The following GALNT13 variants were observed in gnomAD, a reference collection of about 807,000 sequenced individuals.
GALNT13 encodes UDP-GalNAc:polypeptide N-acetylgalactosaminyltransferase 13.
A neutral mutation model predicts 64.2 loss-of-function variants in GALNT13; 28 were observed. The observed-to-expected ratio is 0.44, with a 90% CI of 0.32 to 0.60. The LOEUF (loss-of-function observed/expected upper bound fraction) is 0.60, where lower values mean the gene tolerates loss of function less well. Ranked by LOEUF, GALNT13 falls within the 20% of genes least tolerant of loss-of-function variation. The pLI is 0.05. For missense variants in GALNT13, 577 were observed against 669.8 expected (o/e 0.86, Z 1.53); for synonymous variants, 214 against 224.6 (o/e 0.95, Z 0.42).
chr2:153,229,514 A>T, the GALNT13 span, among the ~76,000 whole-genome samples: 1 of 152,226 alleles, frequency 6.6e-6, no homozygotes, highest in Non-Finnish European at 1.5e-5. Flanking sequence ...CATTTTTCAG[A>T]GGAAACCAAT....
At position 154,298,637 on chromosome 2, in the gene GALNT13, T is replaced by G. The variant is rs865785097; in HGVS notation, c.976-2772T>G. 2.5e-3 allele frequency among the ~76,000 whole-genome samples: 131 copies of G among 53,410 alleles called. 14 individuals are homozygous for G. Among genetic ancestry groups the G allele is most frequent in the African/African-American group, 0.01 (125 of 12,302 alleles). The allele number at this position is 53,410 out of a possible 152,430, so 35.0% of individuals were successfully genotyped here. On this transcript the variant is annotated intron_variant, in intron 8 of 12. Transcript: ENST00000392825. ...TTTATATATACATTGTATATATAAT[T>G]TATATATACATTGTATATACAATTT...
At chr2:154,380,797 G>C (rs540970474) in intron 9 of GALNT13, among the ~76,000 whole-genome samples, 1 of 152,142 alleles carries the variant, frequency 6.6e-6, no homozygotes, top group South Asian at 2.1e-4. Flanking sequence ...TTAATGTGTT[G>C]ATGGGGGCTG....
chr2:154,006,989 A>G (rs1292715626), intron 3 of GALNT13, among the ~76,000 whole-genome samples: 1 of 152,208 alleles, frequency 6.6e-6, no homozygotes, highest in East Asian at 1.9e-4. Flanking sequence ...TTTTGTGACC[A>G]AGATGAAGAG....
the GALNT13 span, among the ~76,000 whole-genome samples, chr2:153,351,082 C>G: frequency 2.6e-5 from 4 of 152,058 alleles, no homozygotes; most frequent in African/African-American, 9.7e-5. Context: ...TAAGTAAGCT[C>G]TATCTAATGG....
At chr2:154,131,535 C>T (rs1408071490) in intron 3 of GALNT13, among the ~76,000 whole-genome samples, 2 of 152,144 alleles carry the variant, frequency 1.3e-5, no homozygotes, top group African/African-American at 4.8e-5. Context: ...CTTCATGGAA[C>T]TCTGATCCTT....
the GALNT13 span, among the ~76,000 whole-genome samples, chr2:153,695,845 T>C: frequency 5.3e-5 from 8 of 152,302 alleles, no homozygotes; most frequent in Non-Finnish European, 1.2e-4. Flanking sequence ...AGAAACACAT[T>C]GCTCTAGATA....
the GALNT13 span, among the ~76,000 whole-genome samples, chr2:153,625,741 T>C: frequency 6.6e-6 from 1 of 152,136 alleles, no homozygotes; most frequent in African/African-American, 2.4e-5. Flanking sequence ...TCTTTTTTTT[T>C]TCCTGTTCTC....
the GALNT13 span, among the ~76,000 whole-genome samples, chr2:153,554,325 C>G: frequency 1.3e-5 from 2 of 151,434 alleles, no homozygotes; most frequent in African/African-American, 2.4e-5. Flanking sequence ...CAGAGTGAGA[C>G]TCTGTGTCAA....
chr2:153,145,357 A>G, the GALNT13 span, among the ~76,000 whole-genome samples: 1 of 151,974 alleles, frequency 6.6e-6, no homozygotes. Flanking sequence ...TAAAAATTGT[A>G]TTAATTCTGA....
chr2:153,435,524 C>G, the GALNT13 span, among the ~76,000 whole-genome samples: 74 of 151,650 alleles, frequency 4.9e-4, 1 homozygote, highest in African/African-American at 1.7e-3. Flanking sequence ...GTTTGTAGTT[C>G]TCCTTGAAGA....
chr2:153,414,341 C>G, the GALNT13 span, among the ~76,000 whole-genome samples: 1 of 151,180 alleles, frequency 6.6e-6, no homozygotes, highest in African/African-American at 2.4e-5. Context: ...TGCCATTGCA[C>G]TCCAGCCTGG....
chr2:153,869,547 T>C (rs548075829), upstream of GALNT13, among the ~76,000 whole-genome samples: 1 of 152,192 alleles, frequency 6.6e-6, no homozygotes, highest in South Asian at 2.1e-4. Context: ...ATGCATTTTT[T>C]AATCTGGAAT....
At chr2:153,175,686 A>T in the GALNT13 span, among the ~76,000 whole-genome samples, 1 of 152,238 alleles carries the variant, frequency 6.6e-6, no homozygotes, top group Non-Finnish European at 1.5e-5. Context: ...AGGTAGTAGC[A>T]GAACAATGCT....
chr2:153,433,590 A>T, the GALNT13 span, among the ~76,000 whole-genome samples: 1 of 152,128 alleles, frequency 6.6e-6, no homozygotes, highest in Non-Finnish European at 1.5e-5. Context: ...ACATTTTTTT[A>T]ATTACAGAGT....
chr2:153,915,112 G>T lies in GALNT13; in HGVS notation c.-105+14105G>T, dbSNP rs145766095. On this transcript the variant is annotated intron_variant, in intron 2 of 12. Coordinates refer to ENST00000392825, the MANE Select transcript of GALNT13 (RefSeq NM_052917.4). ...GTTAGCAGACCTCTGTTTTATGTTA[G>T]CTTAAGATTCTGGGCACAAGAAAGT... is the stretch of plus-strand genomic sequence containing the variant. 4.1e-3 allele frequency among the ~76,000 whole-genome samples: 617 copies of T among 152,216 alleles called. 3 individuals carry two copies. Among genetic ancestry groups the T allele is most frequent in the African/African-American group, 0.014 (590 of 41,544 alleles).
chr2:153,621,002 C>T, the GALNT13 span, among the ~76,000 whole-genome samples: 106 of 152,184 alleles, frequency 7.0e-4, no homozygotes, highest in African/African-American at 2.5e-3. Context: ...GTGTTTCTTG[C>T]AGACTTGTAG....
At chr2:154,021,971 T>C (rs969800187) in intron 3 of GALNT13, among the ~76,000 whole-genome samples, 6 of 152,224 alleles carry the variant, frequency 3.9e-5, no homozygotes, top group African/African-American at 1.4e-4. Context: ...ATGTGGTTTT[T>C]GTTCTTTGGT....
At chr2:153,875,041 T>C (rs1466908844) in intron 1 of GALNT13, among the ~76,000 whole-genome samples, 1 of 152,114 alleles carries the variant, frequency 6.6e-6, no homozygotes, top group African/African-American at 2.4e-5. Flanking sequence ...CTTAAAATAC[T>C]TGGGGGCTAT....
chr2:153,222,939 G>A, the GALNT13 span, among the ~76,000 whole-genome samples: 1 of 152,268 alleles, frequency 6.6e-6, no homozygotes, highest in African/African-American at 2.4e-5. Context: ...AGCTGCGCGC[G>A]GAAGTGAGAG....
Sources: gnomAD v4.1 joint callset for allele counts (sites outside exome capture counted in the v4.1 genomes callset) on GRCh38, gnomAD v4.1.1 for gene constraint, MANE v1.5 for transcripts, NCBI Gene and HGNC (gene_info 2026-07-23, HGNC 2026-07-21) for gene names.